The following RPH3A variants were observed in gnomAD, a reference collection of about 807,000 sequenced individuals.
The protein encoded by RPH3A is rabphilin 3A, also known as rabphilin-3A.
Under a neutral mutation model 102.2 loss-of-function variants are expected in RPH3A, and 48 were observed. The ratio of observed to expected loss-of-function variants is 0.47; its 90% CI spans 0.37 to 0.60. The LOEUF is 0.60. RPH3A is among the 20% of genes least tolerant of loss of function. RPH3A has a pLI of 0.00. For synonymous variants in RPH3A, 310 were observed against 324.3 expected, an observed-to-expected ratio of 0.96 and a Z score of 0.47; for missense variants, 781 against 910.1, an observed-to-expected ratio of 0.86 and a Z score of 1.83.
chr12:112,886,181 A>T (rs1240146345), intron 16 of RPH3A, among the ~76,000 whole-genome samples: 1 of 152,132 alleles, frequency 6.6e-6, no homozygotes, highest in East Asian at 1.9e-4. Context: ...CCTGTCCCCC[A>T]AGAATGCCTC....
intron 1 of RPH3A, among the ~76,000 whole-genome samples, chr12:112,713,026 T>TTCC (rs1324935262): frequency 0.014 from 959 of 68,952 alleles, 31 homozygotes; most frequent in Middle Eastern, 0.033. Flanking sequence ...CCTCTTCCTC[T>TTCC]TCTTCTTCTT....
chr12:112,719,823 T>C (rs573473040), intron 1 of RPH3A, among the ~76,000 whole-genome samples: 1 of 152,346 alleles, frequency 6.6e-6, no homozygotes, highest in East Asian at 1.9e-4. Flanking sequence ...GTCATACTGA[T>C]AGAAGCCATA....
intron 1 of RPH3A, among the ~76,000 whole-genome samples, chr12:112,702,780 G>A (rs1191352916): frequency 2.6e-5 from 4 of 152,228 alleles, no homozygotes; most frequent in East Asian, 3.8e-4. Context: ...GTGGAGATTC[G>A]GAGTTCTTCT....
At chr12:112,796,646 A>G (rs1433622453) in intron 2 of RPH3A, among the ~76,000 whole-genome samples, 1 of 152,272 alleles carries the variant, frequency 6.6e-6, no homozygotes, top group African/African-American at 2.4e-5. Context: ...CAGGCAAAGG[A>G]CAGGCCTCTC....
intron 1 of RPH3A, among the ~76,000 whole-genome samples, chr12:112,580,172 G>GTC (rs1279594719): frequency 1.3e-5 from 2 of 151,488 alleles, no homozygotes; most frequent in Non-Finnish European, 2.9e-5. Context: ...TTGCCTCTTT[G>GTC]TCTCTGTCTC....
rs1343796570 is a variant in RPH3A, at chr12:112,812,271, C to T, written c.-18-16030C>T. Among the ~76,000 whole-genome samples the T allele has an allele frequency of 4.6e-5, 7 of 152,228 alleles. No homozygotes were observed. The East Asian group carries it at 7.7e-4, about 17-fold the overall frequency. ...CACCACGGTCTGAGGGAAAGGATGG[C>T]TCCTTTAAAAACAAAACCAAACCAG... On this transcript the variant is annotated intron_variant, in intron 2 of 21. Coordinates refer to ENST00000389385, the MANE Select transcript of RPH3A (RefSeq NM_001143854.2).
chr12:112,880,447 T>G (rs898133154), intron 14 of RPH3A, among the ~76,000 whole-genome samples: 6 of 152,160 alleles, frequency 3.9e-5, no homozygotes, highest in Admixed American at 3.3e-4. Flanking sequence ...TTAGCCCCAT[T>G]GTACAGATGG....
At chr12:112,752,968 CTTTTTTT>C (rs3037266) in intron 1 of RPH3A, among the ~76,000 whole-genome samples, 5 of 118,932 alleles carry the variant, frequency 4.2e-5, no homozygotes, top group Non-Finnish European at 6.9e-5. Flanking sequence ...GTCCAGTTTT[CTTTTTTT>C]TTTTTTTTTT....
chr12:112,779,274 C>G (rs577549751), intron 1 of RPH3A, among the ~76,000 whole-genome samples: 1 of 152,128 alleles, frequency 6.6e-6, no homozygotes, highest in Non-Finnish European at 1.5e-5. Flanking sequence ...AGCAAGGTGT[C>G]GAGGAGTCCT....
intron 1 of RPH3A, among the ~76,000 whole-genome samples, chr12:112,687,079 C>A (rs1386280424): frequency 1.3e-5 from 2 of 152,208 alleles, no homozygotes; most frequent in Admixed American, 6.5e-5. Flanking sequence ...TGCACCACTG[C>A]ACCACTCCAG....
intron 1 of RPH3A, among the ~76,000 whole-genome samples, chr12:112,640,703 T>G (rs2039882745): frequency 2.0e-5 from 3 of 152,166 alleles, no homozygotes; most frequent in Admixed American, 6.6e-5. Context: ...GGCCACGGAA[T>G]TTAATACCCT....
chr12:112,849,432 T>C (rs1352288007), intron 5 of RPH3A, among the ~76,000 whole-genome samples: 2 of 138,428 alleles, frequency 1.4e-5, no homozygotes, highest in African/African-American at 6.8e-5. Context: ...TGTGTGTGTG[T>C]GTGCATGTGT....
chr12:112,712,963 CT>C (rs369316123), intron 1 of RPH3A, among the ~76,000 whole-genome samples: 1,413 of 77,408 alleles, frequency 0.018, 82 homozygotes, highest in South Asian at 0.036. Context: ...TCTTCTTCTT[CT>C]TTCTTCTTCT....
upstream of RPH3A, among the ~76,000 whole-genome samples, chr12:112,786,913 G>T (rs536136886): frequency 2.2e-4 from 34 of 152,266 alleles, no homozygotes; most frequent in East Asian, 5.0e-3. Flanking sequence ...GTGGGGTTGT[G>T]TTCCTTCTGG....
At chr12:112,656,951 T>TG (rs1046737957) in intron 1 of RPH3A, among the ~76,000 whole-genome samples, 1 of 152,088 alleles carries the variant, frequency 6.6e-6, no homozygotes, top group Non-Finnish European at 1.5e-5. Flanking sequence ...ATTTATTTTT[T>TG]GGGGGTAGAT....
At chr12:112,675,055 A>G (rs191803564) in intron 1 of RPH3A, among the ~76,000 whole-genome samples, 1 of 152,332 alleles carries the variant, frequency 6.6e-6, no homozygotes, top group Admixed American at 6.5e-5. Flanking sequence ...GCCTTTGCAG[A>G]AGCATTTTAA....
chr12:112,687,001 G>A (rs2040270127), intron 1 of RPH3A, among the ~76,000 whole-genome samples: 1 of 152,140 alleles, frequency 6.6e-6, no homozygotes, highest in African/African-American at 2.4e-5. Flanking sequence ...TGTAGTCCCA[G>A]CTACTAGGGA....
In RPH3A at chr12:112,713,008, TTCCTCTTCCTCTTCC is replaced by T. The variant is rs1344286562; in HGVS notation, c.-139-79132_-139-79118del. On this transcript the variant is annotated intron_variant, in intron 1 of 21. Transcript: ENST00000543106. ...CGTCGTCTTTGTCTTCCTCTTCCTCTTCCTCTTCCTCTTCCTCTTCTTCTTCTTCTTCTTCTTCTT... is the reference window on the plus strand; with the variant it reads ...CGTCGTCTTTGTCTTCCTCTTCCTCTTCTTCTTCTTCTTCTTCTTCTTCTT... Among the ~76,000 whole-genome samples the T allele has an allele frequency of 2.0e-3, 152 of 74,444 alleles. 8 individuals are homozygous for T. The highest frequency in any genetic ancestry group is 7.9e-3 in the African/African-American group (136 of 17,168). The allele number at this position is 74,444 out of a possible 152,430, so 48.8% of individuals were successfully genotyped here.
intron 1 of RPH3A, among the ~76,000 whole-genome samples, chr12:112,663,059 GGTGTGT>G (rs60392620): frequency 2.1e-5 from 3 of 141,134 alleles, no homozygotes; most frequent in Admixed American, 7.1e-5. Context: ...CTAAGTGATT[GGTGTGT>G]GTGTGTGTGT....
Sources: gnomAD v4.1 joint callset for allele counts (sites outside exome capture counted in the v4.1 genomes callset) on GRCh38, gnomAD v4.1.1 for gene constraint, MANE v1.5 for transcripts, NCBI Gene and HGNC (gene_info 2026-07-23, HGNC 2026-07-21) for gene names.